The following OSBPL10 variants were observed in gnomAD, a reference collection of about 807,000 sequenced individuals.
The protein encoded by OSBPL10 is oxysterol-binding protein-related protein 10.
In OSBPL10, 49 loss-of-function variants were observed where a neutral mutation model predicts 81.7. That is an observed-to-expected ratio of 0.60 (90% CI 0.48 to 0.76). OSBPL10 has a LOEUF of 0.76. Among genes scored for constraint, OSBPL10 ranks in the 30% least tolerant of loss-of-function variants. OSBPL10 has a pLI of 0.00. For synonymous variants in OSBPL10, 419 were observed against 383.6 expected, an observed-to-expected ratio of 1.09 and a Z score of -1.08; for missense variants, 923 against 987.8, an observed-to-expected ratio of 0.93 and a Z score of 0.88.
intron 4 of OSBPL10, among the ~76,000 whole-genome samples, chr3:31,812,828 G>A (rs1699742597): frequency 3.0e-5 from 4 of 133,552 alleles, no homozygotes; most frequent in East Asian, 2.6e-4. Flanking sequence ...GAGAAAGAAA[G>A]AAAGAAAGAA....
intron 3 of OSBPL10, among the ~76,000 whole-genome samples, chr3:31,841,471 T>C (rs1700496721): frequency 6.6e-6 from 1 of 152,224 alleles, no homozygotes. Flanking sequence ...TTCCAGTCAC[T>C]GAAATCTGCA....
chr3:31,695,446 GTCC>G (rs1489683945), intron 7 of OSBPL10, among the ~76,000 whole-genome samples: 1 of 151,884 alleles, frequency 6.6e-6, no homozygotes, highest in Non-Finnish European at 1.5e-5. Context: ...ACCTTTTACT[GTCC>G]ACCACCCCCT....
chr3:31,937,697 ACCCTTCCC>A (rs2125732818), intron 1 of OSBPL10, among the ~76,000 whole-genome samples: 1 of 102,684 alleles, frequency 9.7e-6, no homozygotes, highest in East Asian at 3.9e-4. Flanking sequence ...TCTTGGGACC[ACCCTTCCC>A]CCAACCTCTC....
intron 4 of OSBPL10, among the ~76,000 whole-genome samples, chr3:31,792,728 A>C (rs1699051237): frequency 1.4e-5 from 2 of 142,148 alleles, no homozygotes; most frequent in African/African-American, 2.7e-5. Flanking sequence ...ACTCTCAGCT[A>C]TCCAGACACA....
intron 1 of OSBPL10, among the ~76,000 whole-genome samples, chr3:31,931,973 C>T (rs1010366479): frequency 2.6e-5 from 4 of 151,944 alleles, no homozygotes; most frequent in Non-Finnish European, 5.9e-5. Context: ...ACCCAGGAGG[C>T]AGAGGTTGCA....
chr3:31,688,281 T>TCACACACACA (rs1380099717), intron 7 of OSBPL10, among the ~76,000 whole-genome samples: 80 of 113,984 alleles, frequency 7.0e-4, no homozygotes, highest in East Asian at 1.1e-3. Context: ...TCTCTCTCTC[T>TCACACACACA]CTCACACACA....
chr3:32,000,007 G>A (rs1230347832), intron 2 of OSBPL10, among the ~76,000 whole-genome samples: 4 of 152,130 alleles, frequency 2.6e-5, no homozygotes, highest in African/African-American at 9.7e-5. Context: ...AGCTATAACA[G>A]GGAGATGATC....
chr3:31,877,893 T>G lies in OSBPL10; in HGVS notation c.458-1381A>C, dbSNP rs540144654. On this transcript the variant is annotated intron_variant, in intron 2 of 11. Transcript: ENST00000396556. ...TAGTAAACTTGAAGAATTGCCAGTTTGTGGCAATACTATCCAAAGGCTTTG... is the reference window on the plus strand; with the variant it reads ...TAGTAAACTTGAAGAATTGCCAGTTGGTGGCAATACTATCCAAAGGCTTTG... 2.0e-5 allele frequency among the ~76,000 whole-genome samples: 3 copies of G among 152,288 alleles called. No homozygotes were observed. In the East Asian group the frequency reaches 5.8e-4, roughly 29 times the overall value.
chr3:31,685,006 C>G (rs1300098536), intron 7 of OSBPL10, among the ~76,000 whole-genome samples: 1 of 152,142 alleles, frequency 6.6e-6, no homozygotes, highest in Non-Finnish European at 1.5e-5. Flanking sequence ...CAGGTGGTCA[C>G]TCAGGGGGCT....
intron 4 of OSBPL10, among the ~76,000 whole-genome samples, chr3:31,753,925 T>G (rs781411413): frequency 6.6e-6 from 1 of 152,256 alleles, no homozygotes; most frequent in South Asian, 2.1e-4. Context: ...AAGTCAGCCT[T>G]GTTTTATTAA....
At chr3:31,927,980 C>T (rs141709817) in intron 1 of OSBPL10, among the ~76,000 whole-genome samples, 128 of 151,944 alleles carry the variant, frequency 8.4e-4, no homozygotes, top group African/African-American at 2.8e-3. Context: ...AAAAAAGGCC[C>T]GAAAAGGATA....
chr3:31,972,497 G>GCTCTGACGGAGTTAGCACTGCAGAGA (rs1559538191), intron 1 of OSBPL10, among the ~76,000 whole-genome samples: 1 of 152,106 alleles, frequency 6.6e-6, no homozygotes, highest in African/African-American at 2.4e-5. Context: ...AGCCCACACA[G>GCTCTGACGGAGTTAGCACTGCAGAGA]CTCTGACGGA....
At chr3:32,068,462 C>G (rs1699798856) in intron 1 of OSBPL10, among the ~76,000 whole-genome samples, 1 of 152,104 alleles carries the variant, frequency 6.6e-6, no homozygotes, top group African/African-American at 2.4e-5. Context: ...GCCTCCTTCA[C>G]TATGGGCAAC....
intron 3 of OSBPL10, among the ~76,000 whole-genome samples, chr3:31,834,869 G>C (rs147170903): frequency 6.6e-6 from 1 of 152,104 alleles, no homozygotes; most frequent in Non-Finnish European, 1.5e-5. Flanking sequence ...TCAAATCTGG[G>C]CTCCAACACT....
At chr3:31,792,651 C>CTG (rs1385119004) in intron 4 of OSBPL10, among the ~76,000 whole-genome samples, 1 of 150,370 alleles carries the variant, frequency 6.7e-6, no homozygotes, top group Non-Finnish European at 1.5e-5. Flanking sequence ...TCCAGACACA[C>CTG]TGTGTGTGTG....
intron 3 of OSBPL10, among the ~76,000 whole-genome samples, chr3:31,846,145 G>A (rs367727487): frequency 2.0e-5 from 3 of 152,020 alleles, no homozygotes; most frequent in Non-Finnish European, 4.4e-5. Flanking sequence ...CCCGCGTGGC[G>A]GGGACAACAG....
intron 3 of OSBPL10, among the ~76,000 whole-genome samples, chr3:31,875,622 G>T (rs1170997425): frequency 6.6e-6 from 1 of 151,938 alleles, no homozygotes; most frequent in Non-Finnish European, 1.5e-5. Context: ...GAACAGCCAG[G>T]TGTATCTAAG....
chr3:31,662,559 C>G, intron 11 of OSBPL10: 1 of 924,222 alleles, frequency 1.1e-6, no homozygotes, highest in Non-Finnish European at 1.3e-6. Context: ...CAAATCAGCA[C>G]ACACAAGAAA....
intron 9 of OSBPL10, among the ~76,000 whole-genome samples, chr3:31,669,331 C>T (rs1427929525): frequency 6.6e-6 from 1 of 152,104 alleles, no homozygotes; most frequent in African/African-American, 2.4e-5. Flanking sequence ...TATACTCTGT[C>T]TTCTCCAAAA....
Sources: allele counts gnomAD v4.1 joint callset (sites outside exome capture counted in the v4.1 genomes callset), GRCh38; gene constraint gnomAD v4.1.1; transcripts MANE v1.5; gene names NCBI Gene and HGNC (gene_info 2026-07-23, HGNC 2026-07-21).